TRIM9: variants seen among roughly 807,000 people sequenced by gnomAD.
TRIM9 encodes E3 ubiquitin-protein ligase TRIM9.
A neutral mutation model predicts 78.3 loss-of-function variants in TRIM9; 26 were observed. That is an observed-to-expected ratio of 0.33 (90% CI 0.24 to 0.46). The LOEUF (loss-of-function observed/expected upper bound fraction) is 0.46, where lower values mean the gene tolerates loss of function less well. Ranked by LOEUF, TRIM9 falls within the 20% of genes least tolerant of loss-of-function variation. The pLI, the probability that TRIM9 is intolerant of heterozygous loss-of-function variation, is 1.00. For missense variants in TRIM9, 787 were observed against 1,036.4 expected (o/e 0.76, Z 3.30); for synonymous variants, 398 against 416.5 (o/e 0.96, Z 0.54).
At chr14:51,079,371 A>C (rs1171658878) in intron 1 of TRIM9, among the ~76,000 whole-genome samples, 1 of 152,208 alleles carries the variant, frequency 6.6e-6, no homozygotes, top group Admixed American at 6.5e-5. Context: ...ATTATTCTTT[A>C]CTTCCTGCCC....
At chr14:51,019,368 C>G (rs951005096) in intron 3 of TRIM9, among the ~76,000 whole-genome samples, 3 of 152,242 alleles carry the variant, frequency 2.0e-5, no homozygotes, top group African/African-American at 7.2e-5. Flanking sequence ...CTCCCAGCAT[C>G]TTATCAAACC....
In TRIM9 at chr14:50,979,897, C is replaced by A. The variant is rs1449674505; in HGVS notation, c.2163-348G>T. On this transcript the variant is annotated intron_variant, in intron 11 of 12. Coordinates refer to ENST00000684578, the MANE Select transcript of TRIM9 (RefSeq NM_001387360.1). ...TAGGGTCTCTACCACTGAGTCACAG[C>A]AGTAGAAAACCAAACATTAAAGACT... Among the ~76,000 whole-genome samples the A allele has an allele frequency of 3.3e-5, 5 of 152,302 alleles. No homozygotes were observed. The South Asian group carries it at 6.2e-4, about 19-fold the overall frequency.
chr14:50,978,224 T>C lies in TRIM9; in HGVS notation c.2326-871A>G, dbSNP rs563239739. On this transcript the variant is annotated intron_variant, in intron 12 of 12. Coordinates refer to ENST00000684578, the MANE Select transcript of TRIM9 (RefSeq NM_001387360.1). ...AAACACAACAATGAATTTTGATAAATAGTTTCCAAGGCTGGTTCTGGATAG... is the reference window on the plus strand; with the variant it reads ...AAACACAACAATGAATTTTGATAAACAGTTTCCAAGGCTGGTTCTGGATAG... Among the ~76,000 whole-genome samples the C allele has an allele frequency of 8.5e-5, 13 of 152,302 alleles. No homozygotes were observed. In the South Asian group the frequency reaches 2.3e-3, roughly 27 times the overall value.
chr14:51,022,132 G>C (rs2057813205), intron 3 of TRIM9, among the ~76,000 whole-genome samples: 1 of 151,974 alleles, frequency 6.6e-6, no homozygotes, highest in Non-Finnish European at 1.5e-5. Context: ...TATTGCTATG[G>C]TTTGAATATC....
intron 7 of TRIM9, among the ~76,000 whole-genome samples, chr14:50,991,242 G>C (rs2053471930): frequency 6.6e-6 from 1 of 152,154 alleles, no homozygotes; most frequent in Non-Finnish European, 1.5e-5. Flanking sequence ...CAGGGTATCA[G>C]TTGCAAAGCA....
At chr14:51,008,930 G>A in intron 5 of TRIM9, 150 bp downstream of exon 5, 1 of 762,746 alleles carries the variant, frequency 1.3e-6, no homozygotes, top group East Asian at 2.6e-5. Flanking sequence ...TGAAAGGTAG[G>A]TCACACATTT....
At chr14:51,075,066 C>A (rs536718246) in intron 1 of TRIM9, among the ~76,000 whole-genome samples, 12 of 152,298 alleles carry the variant, frequency 7.9e-5, no homozygotes, top group Non-Finnish European at 1.6e-4. Context: ...AAGTCTAGAT[C>A]CCAATTAAAT....
chr14:51,061,939 T>C (rs1008098042), intron 1 of TRIM9, among the ~76,000 whole-genome samples: 8 of 152,242 alleles, frequency 5.3e-5, no homozygotes, highest in Non-Finnish European at 7.3e-5. Flanking sequence ...TTAGGCCATA[T>C]GATATTATCC....
At chr14:50,985,054 C>A (rs978957232) in intron 8 of TRIM9, among the ~76,000 whole-genome samples, 1 of 152,160 alleles carries the variant, frequency 6.6e-6, no homozygotes, top group African/African-American at 2.4e-5. Context: ...CAAAAGAAAC[C>A]TTTGGAAATA....
chr14:51,034,454 A>T (rs536381309), intron 1 of TRIM9, among the ~76,000 whole-genome samples: 1 of 152,318 alleles, frequency 6.6e-6, no homozygotes, highest in South Asian at 2.1e-4. Context: ...CAAAATACAA[A>T]TGAAAATATT....
At chr14:51,024,980 CCT>C (rs1343160077) in intron 2 of TRIM9, among the ~76,000 whole-genome samples, 1 of 152,076 alleles carries the variant, frequency 6.6e-6, no homozygotes, top group Non-Finnish European at 1.5e-5. Flanking sequence ...AAAAAATAGG[CCT>C]CTTTCTGAAT....
At chr14:51,048,700 G>A (rs527767304) in intron 1 of TRIM9, among the ~76,000 whole-genome samples, 5 of 152,024 alleles carry the variant, frequency 3.3e-5, no homozygotes, top group African/African-American at 9.7e-5. Flanking sequence ...ATCCCATCTC[G>A]GGGGCCGGGC....
chr14:51,076,395 G>A (rs2062784434), intron 1 of TRIM9, among the ~76,000 whole-genome samples: 1 of 152,200 alleles, frequency 6.6e-6, no homozygotes, highest in Admixed American at 6.5e-5. Context: ...GAAAGGCACT[G>A]TGTCTTTGGC....
At chr14:51,005,498 C>T (rs929906042) in intron 5 of TRIM9, among the ~76,000 whole-genome samples, 1 of 152,144 alleles carries the variant, frequency 6.6e-6, no homozygotes, top group Non-Finnish European at 1.5e-5. Flanking sequence ...TGTACTTAGA[C>T]AATTCTGGGT....
intron 1 of TRIM9, 143 bp from the exon 2 acceptor site, chr14:51,025,503 TAGA>T: frequency 1.5e-6 from 1 of 676,632 alleles, no homozygotes; most frequent in Non-Finnish European, 2.5e-6. Flanking sequence ...TTTGTACAGG[TAGA>T]TTCTGGTGTC....
chr14:50,979,241 A>T (rs756596648), intron 12 of TRIM9, 146 bp downstream of exon 12: 2 of 1,512,252 alleles, frequency 1.3e-6, no homozygotes, highest in Non-Finnish European at 1.8e-6. Flanking sequence ...GCCAGTGCTG[A>T]TCCCTTTCTC....
At chr14:51,052,544 C>T (rs1380229883) in intron 1 of TRIM9, among the ~76,000 whole-genome samples, 3 of 152,166 alleles carry the variant, frequency 2.0e-5, no homozygotes, top group Non-Finnish European at 2.9e-5. Context: ...GGGAAGGAGA[C>T]AGTGATCCTG....
chr14:50,990,976 AG>A (rs2053432116), intron 7 of TRIM9, among the ~76,000 whole-genome samples: 2 of 152,208 alleles, frequency 1.3e-5, no homozygotes, highest in Admixed American at 6.5e-5. Context: ...TTATAATAAA[AG>A]GTGGTATTTT....
intron 1 of TRIM9, among the ~76,000 whole-genome samples, chr14:51,032,781 T>C (rs1247437451): frequency 1.3e-5 from 2 of 152,216 alleles, no homozygotes; most frequent in African/African-American, 2.4e-5. Context: ...TTACATGAAA[T>C]CATGTATATA....
Sources: gnomAD v4.1 joint callset for allele counts (sites outside exome capture counted in the v4.1 genomes callset) on GRCh38, gnomAD v4.1.1 for gene constraint, MANE v1.5 for transcripts, NCBI Gene and HGNC (gene_info 2026-07-23, HGNC 2026-07-21) for gene names.